Variants in AGA observed in about 807,000 individuals in gnomAD.
AGA encodes N(4)-(beta-N-acetylglucosaminyl)-L-asparaginase.
In AGA, 31 loss-of-function variants were observed where a neutral mutation model predicts 40.1. The ratio of observed to expected loss-of-function variants is 0.77; its 90% CI spans 0.58 to 1.04. AGA has a LOEUF of 1.04. Ranked by LOEUF, AGA falls within the 50% of genes least tolerant of loss-of-function variation. The pLI is 0.00. For synonymous variants in AGA, 148 were observed against 144.0 expected (o/e 1.03, Z -0.20); for missense variants, 445 against 435.4 (o/e 1.02, Z -0.20).
Position 177,436,353 on chromosome 4 carries a change from T to C in AGA, c.623-2A>G, listed in dbSNP as rs1483909684. 1 of 1,608,920 alleles carries C rather than the reference T, an allele frequency of 6.2e-7. No homozygotes were observed. Among genetic ancestry groups the C allele is most frequent in the East Asian group, 2.2e-5 (1 of 44,868 alleles). On this transcript the variant is annotated splice_acceptor_variant, in intron 5 of 8. Coordinates refer to ENST00000264595, the MANE Select transcript of AGA (RefSeq NM_000027.4). LOFTEE classifies it high-confidence loss of function. ...CTGTCTTATGGATTACAACCATGCC[T>C]AGAAGTTAAAAAAAAAAAATCACTG...
At chr4:177,433,936 T>C (rs113999057) in intron 7 of AGA, among the ~76,000 whole-genome samples, 2,523 of 151,782 alleles carry the variant, frequency 0.017, 77 homozygotes, top group African/African-American at 0.058. Flanking sequence ...TTGTATGCAG[T>C]TTCTAAGAAG....
chr4:177,440,092 T>A, intron 2 of AGA, 181 bp downstream of exon 2: 1 of 705,924 alleles, frequency 1.4e-6, no homozygotes, highest in South Asian at 1.8e-5. Flanking sequence ...CATGTGATAT[T>A]TCTATTACTC....
chr4:177,442,413 G>C lies in AGA; in HGVS notation c.-38C>G, dbSNP rs780525567. The C allele has an allele frequency of 1.9e-6, 3 of 1,613,132 alleles. No individual in the cohort carries two copies. The highest frequency in any genetic ancestry group is 1.7e-6 in the Non-Finnish European group (2 of 1,179,634). ...AAGAGACCAGCGCGAGAAAAGTCCC[G>C]GCAGCCAGCGATCGCCGAACAATTA... is the stretch of plus-strand genomic sequence containing the variant. On this transcript the variant is annotated 5_prime_UTR_variant, in exon 1 of 9. Coordinates refer to ENST00000264595, the MANE Select transcript of AGA (RefSeq NM_000027.4).
Position 177,431,674 on chromosome 4 carries a change from T to C in AGA, c.*34A>G, listed in dbSNP as rs780175544. On this transcript the variant is annotated 3_prime_UTR_variant, in exon 9 of 9. Transcript: ENST00000264595. ...AGCCTTTTCAGCCTTTGTTTCTTTCTTCTTTAAATACAGATGTTGACAGTA... is the reference window on the plus strand; with the variant it reads ...AGCCTTTTCAGCCTTTGTTTCTTTCCTCTTTAAATACAGATGTTGACAGTA... 3.2e-6 allele frequency: 5 copies of C among 1,550,348 alleles called. No homozygotes were observed. The highest frequency in any genetic ancestry group is 1.8e-6 in the Non-Finnish European group (2 of 1,123,004).
chr4:177,438,229 T>C (rs1306881534), intron 4 of AGA, among the ~76,000 whole-genome samples: 4 of 151,934 alleles, frequency 2.6e-5, no homozygotes, highest in Admixed American at 2.0e-4. Context: ...AGGGAAGAAA[T>C]AGATGAGAGA....
Position 177,442,372 on chromosome 4 carries a change from C to T in AGA, c.4G>A (p.Ala2Thr), listed in dbSNP as rs1173083209. 6.2e-7 allele frequency: 1 copy of T among 1,613,900 alleles called. No individual in the cohort carries two copies. Among genetic ancestry groups the T allele is most frequent in the African/African-American group, 1.3e-5 (1 of 74,912 alleles). The change falls in exon 1 of 9, where the codon GCG (alanine) becomes ACG (threonine). Residue 2 changes from alanine (A) to threonine (T), a missense_variant. Transcript: ENST00000264595. M[A>T]RKSNLPVLLV... ...AGCACAGGCAAGTTCGACTTCCGCG[C>T]CATCCCTGACCACCGAAGAGACCAG...
rs1455250192 is a variant in AGA, at chr4:177,442,345, G to C, written c.31C>G (p.Leu11Val). Residue 11 changes from leucine (L) to valine (V), a missense_variant, in exon 1 of 9, where the codon CTC (leucine) becomes GTC (valine). Transcript: ENST00000264595. ...GCCTGGCAGAGCAGAAACGGCACGA[G>C]AAGCACAGGCAAGTTCGACTTCCGC... MARKSNLPVL[L>V]VPFLLCQALV... 6.2e-7 allele frequency: 1 copy of C among 1,614,128 alleles called. No homozygotes were observed. Among genetic ancestry groups the C allele is most frequent in the Non-Finnish European group, 8.5e-7 (1 of 1,179,966 alleles).
Position 177,434,499 on chromosome 4 carries a change from G to C in AGA, c.699-10C>G, listed in dbSNP as rs1238094404. 1 of 1,610,568 alleles carries C rather than the reference G, an allele frequency of 6.2e-7. No homozygotes were observed. Among genetic ancestry groups the C allele is most frequent in the Non-Finnish European group, 8.5e-7 (1 of 1,177,018 alleles). Reference sequence around the variant, plus strand: ...TGAGTCTCCTACACGGCTTTGAGAGGGTATTAACAATTTACGGCAGGAAAT... The same window carrying C: ...TGAGTCTCCTACACGGCTTTGAGAGCGTATTAACAATTTACGGCAGGAAAT... On this transcript the variant is annotated splice_polypyrimidine_tract_variant and intron_variant, in intron 6 of 8. Transcript: ENST00000264595.
intron 1 of AGA, among the ~76,000 whole-genome samples, chr4:177,441,574 G>A (rs1474761048): frequency 1.3e-5 from 2 of 152,168 alleles, no homozygotes; most frequent in Non-Finnish European, 1.5e-5. Context: ...CCTGGAAGAG[G>A]TGATACCTTA....
intron 5 of AGA, among the ~76,000 whole-genome samples, chr4:177,436,715 T>TA (rs1352420630): frequency 6.6e-6 from 1 of 152,240 alleles, no homozygotes; most frequent in African/African-American, 2.4e-5. Context: ...CCAGCCTCCG[T>TA]AACTGTGAGA....
In AGA at chr4:177,442,344, A is replaced by C; in HGVS notation, c.32T>G (p.Leu11Arg). Residue 11 changes from leucine to arginine, a missense_variant, in exon 1 of 9, where the codon CTC (leucine) becomes CGC (arginine). Leu to Arg is a moderately radical substitution (Grantham distance 102). Transcript: ENST00000264595. MARKSNLPVL[L>R]VPFLLCQALV... Reference sequence around the variant, plus strand: ...GGCCTGGCAGAGCAGAAACGGCACGAGAAGCACAGGCAAGTTCGACTTCCG... The same window carrying C: ...GGCCTGGCAGAGCAGAAACGGCACGCGAAGCACAGGCAAGTTCGACTTCCG... The C allele has an allele frequency of 6.2e-7, 1 of 1,614,122 alleles. No individual in the cohort carries two copies. The highest frequency in any genetic ancestry group is 8.5e-7 in the Non-Finnish European group (1 of 1,179,960).
intron 8 of AGA, 29 bp downstream of exon 8, chr4:177,433,185 C>T: frequency 6.2e-7 from 1 of 1,613,772 alleles, no homozygotes; most frequent in South Asian, 1.1e-5. Context: ...TGGAAGTTCA[C>T]ACAAATACAA....
rs570562160 is a variant in AGA, at chr4:177,441,178, G to A, written c.128-752C>T. On this transcript the variant is annotated intron_variant, in intron 1 of 8. Coordinates refer to ENST00000264595, the MANE Select transcript of AGA (RefSeq NM_000027.4). Reference sequence around the variant, plus strand: ...TAAACACTACAGCACCTACAGGCTTGAAAGTGTATTTACGCAAGTTCCCTC... The same window carrying A: ...TAAACACTACAGCACCTACAGGCTTAAAAGTGTATTTACGCAAGTTCCCTC... Among the ~76,000 whole-genome samples, 9 of 135,480 alleles carry A rather than the reference G, an allele frequency of 6.6e-5. 1 individual carries two copies. In the South Asian group the frequency reaches 2.1e-3, roughly 31 times the overall value. 88.9% of individuals were successfully genotyped at this position (135,480 alleles called of 152,430 possible).
intron 8 of AGA, among the ~76,000 whole-genome samples, chr4:177,432,697 G>C (rs1437370219): frequency 6.6e-6 from 1 of 152,132 alleles, no homozygotes; most frequent in Non-Finnish European, 1.5e-5. Context: ...TTGAAACTGT[G>C]ATAGGCTCAT....
At chr4:177,441,280 G>A (rs941367591) in intron 1 of AGA, among the ~76,000 whole-genome samples, 1 of 152,140 alleles carries the variant, frequency 6.6e-6, no homozygotes, top group African/African-American at 2.4e-5. Flanking sequence ...CATTATGGCT[G>A]GGAATATCTT....
intron 1 of AGA, 134 bp from the exon 2 acceptor site, chr4:177,440,560 T>C: frequency 3.0e-6 from 3 of 1,003,032 alleles, no homozygotes; most frequent in Non-Finnish European, 4.4e-6. Flanking sequence ...CATTAGTTTA[T>C]CAAGTGTTAC....
chr4:177,442,417 G>T lies in AGA; in HGVS notation c.-42C>A. ...GACCAGCGCGAGAAAAGTCCCGGCA[G>T]CCAGCGATCGCCGAACAATTAATCC... On this transcript the variant is annotated 5_prime_UTR_variant, in exon 1 of 9. In the 5' UTR this introduces an upstream ATG that the reference lacks. Coordinates refer to ENST00000264595, the MANE Select transcript of AGA (RefSeq NM_000027.4). 6.2e-7 allele frequency: 1 copy of T among 1,613,158 alleles called. No individual in the cohort carries two copies. The highest frequency in any genetic ancestry group is 8.5e-7 in the Non-Finnish European group (1 of 1,179,614).
At chr4:177,435,406 T>TA (rs1736778359) in intron 6 of AGA, among the ~76,000 whole-genome samples, 1 of 152,198 alleles carries the variant, frequency 6.6e-6, no homozygotes, top group South Asian at 2.1e-4. Context: ...GCCAGGTATA[T>TA]ACCAGGATGG....
intron 6 of AGA, among the ~76,000 whole-genome samples, chr4:177,434,817 C>T (rs1736756932): frequency 1.3e-5 from 2 of 151,946 alleles, no homozygotes; most frequent in African/African-American, 4.8e-5. Flanking sequence ...TCCAGTTAGG[C>T]AGGAGGGTAA....
Sources: allele counts gnomAD v4.1 joint callset (sites outside exome capture counted in the v4.1 genomes callset), GRCh38; gene constraint gnomAD v4.1.1; transcripts MANE v1.5; gene names NCBI Gene and HGNC (gene_info 2026-07-23, HGNC 2026-07-21).